Variants in BRMS1L observed in about 807,000 individuals in gnomAD.
BRMS1L encodes BRMS1 like transcriptional repressor.
In BRMS1L, 23 loss-of-function variants were observed where a neutral mutation model predicts 50.3. The observed-to-expected ratio is 0.46, with a 90% confidence interval of 0.33 to 0.65. BRMS1L has a LOEUF of 0.65. Ranked by LOEUF, BRMS1L falls within the 30% of genes least tolerant of loss-of-function variation. The probability of loss-of-function intolerance (pLI) is 0.02; values close to 1 mark genes in which losing one functional copy is unlikely to be tolerated. For synonymous variants in BRMS1L, 114 were observed against 126.9 expected (o/e 0.90, Z 0.69); for missense variants, 286 against 386.1 (o/e 0.74, Z 2.17).
chr14:35,864,009 G>T (rs1405073974), intron 6 of BRMS1L, 56 bp downstream of exon 6: 2 of 1,328,078 alleles, frequency 1.5e-6, no homozygotes, highest in African/African-American at 2.9e-5. Flanking sequence ...TTTCCATTGT[G>T]CATGCCTTTA....
At chr14:35,831,558 C>G (rs1403637399) in intron 2 of BRMS1L, 58 bp downstream of exon 2, 2 of 1,258,558 alleles carry the variant, frequency 1.6e-6, no homozygotes, top group Middle Eastern at 1.9e-4. Context: ...CACTTGTATA[C>G]TAGCACAAGA....
chr14:35,832,493 G>GA (rs2077934890), intron 2 of BRMS1L, among the ~76,000 whole-genome samples: 1 of 144,410 alleles, frequency 6.9e-6, no homozygotes, highest in Non-Finnish European at 1.5e-5. Context: ...GTGACGGAGC[G>GA]AGACTCCGTC....
At chr14:35,849,832 T>G (rs992831816) in intron 4 of BRMS1L, among the ~76,000 whole-genome samples, 6 of 152,104 alleles carry the variant, frequency 3.9e-5, no homozygotes, top group East Asian at 3.8e-4. Flanking sequence ...TCTTTTTTTT[T>G]TTGTTGACAC....
intron 9 of BRMS1L, among the ~76,000 whole-genome samples, chr14:35,869,543 A>C (rs918521913): frequency 4.6e-5 from 7 of 151,568 alleles, no homozygotes; most frequent in Non-Finnish European, 1.0e-4. Flanking sequence ...ATTCCTATTC[A>C]CTCTTTAAAA....
chr14:35,845,585 TTTAATTGTCAA>T (rs2078123081), intron 4 of BRMS1L, among the ~76,000 whole-genome samples: 1 of 152,250 alleles, frequency 6.6e-6, no homozygotes, highest in Non-Finnish European at 1.5e-5. Flanking sequence ...GCAAGTGAGA[TTTAATTGTCAA>T]TTCTCATACT....
At chr14:35,837,247 C>T (rs1343362380) in intron 4 of BRMS1L, among the ~76,000 whole-genome samples, 2 of 151,306 alleles carry the variant, frequency 1.3e-5, no homozygotes, top group Admixed American at 6.6e-5. Flanking sequence ...AAGAGCAAAA[C>T]TCCGGCTCAA....
At chr14:35,830,693 T>C (rs909630357) in intron 1 of BRMS1L, among the ~76,000 whole-genome samples, 2 of 152,128 alleles carry the variant, frequency 1.3e-5, no homozygotes, top group African/African-American at 2.4e-5. Context: ...AAATCAGCCA[T>C]GTGAGCAGTT....
rs185904168 is a variant in BRMS1L, at chr14:35,864,094, G to A, written c.622+141G>A. ...CAAAAGATGATTTATTTATAAAACC[G>A]ATTGAAGACAGAGGATATAGTGTAT... On this transcript the variant is annotated intron_variant, in intron 6 of 9. Coordinates refer to ENST00000216807, the MANE Select transcript of BRMS1L (RefSeq NM_032352.4). The A allele has an allele frequency of 1.2e-4, 81 of 704,304 alleles. No homozygotes were observed. The African/African-American group carries it at 1.3e-3, about 12-fold the overall frequency. 43.6% of individuals were successfully genotyped at this position (704,304 alleles called of 1,614,324 possible).
intron 1 of BRMS1L, 25 bp downstream of exon 1, chr14:35,826,683 T>TG: frequency 8.1e-6 from 13 of 1,605,506 alleles, no homozygotes; most frequent in Non-Finnish European, 1.1e-5. Flanking sequence ...GCTGGGACCC[T>TG]GAGTCCCCGC....
At chr14:35,860,690 A>G (rs188493247) in intron 4 of BRMS1L, among the ~76,000 whole-genome samples, 18 of 152,204 alleles carry the variant, frequency 1.2e-4, no homozygotes, top group African/African-American at 4.1e-4. Flanking sequence ...ATTGTGAGGT[A>G]TGTTAAGTCA....
At chr14:35,865,592 A>G (rs2078409547) in intron 7 of BRMS1L, 130 bp from the exon 8 acceptor site, 5 of 697,968 alleles carry the variant, frequency 7.2e-6, no homozygotes, top group Middle Eastern at 3.9e-4. Flanking sequence ...TAGAGCAGCT[A>G]ATGGTTATAC....
At chr14:35,834,330 A>G (rs1016761248) in intron 3 of BRMS1L, among the ~76,000 whole-genome samples, 6 of 152,130 alleles carry the variant, frequency 3.9e-5, no homozygotes, top group African/African-American at 1.4e-4. Context: ...AAGTCCTGTC[A>G]GGAGCACTCC....
intron 8 of BRMS1L, chr14:35,866,036 C>A: frequency 2.9e-6 from 1 of 345,604 alleles, no homozygotes. Context: ...TTTTTATGGG[C>A]TCTGTCATTC....
chr14:35,833,503 A>C (rs2077952664), intron 3 of BRMS1L, among the ~76,000 whole-genome samples: 1 of 152,140 alleles, frequency 6.6e-6, no homozygotes, highest in Non-Finnish European at 1.5e-5. Context: ...ATTTATAAAA[A>C]ATTTTAAAAA....
chr14:35,869,949 G>T (rs990267272), intron 9 of BRMS1L, among the ~76,000 whole-genome samples: 5 of 151,848 alleles, frequency 3.3e-5, no homozygotes, highest in African/African-American at 1.2e-4. Flanking sequence ...AAAAAAATTG[G>T]TATAAGTACC....
chr14:35,865,926 A>G lies in BRMS1L; in HGVS notation c.727+165A>G, dbSNP rs2078415601. On this transcript the variant is annotated intron_variant, in intron 8 of 9. Coordinates refer to ENST00000216807, the MANE Select transcript of BRMS1L (RefSeq NM_032352.4). ...TTCTGGAGTCATTGCTTCACGTAAA[A>G]GTTTCAAAATTTCTGAATGTGGTAT... 10 of 634,952 alleles carry G rather than the reference A, an allele frequency of 1.6e-5. No individual in the cohort carries two copies. In the Admixed American group the frequency reaches 2.8e-4, roughly 18 times the overall value. 39.3% of individuals were successfully genotyped at this position (634,952 alleles called of 1,614,324 possible). A position where few individuals can be genotyped will look rare whatever the true frequency, so the allele number is the denominator to read the frequency against.
intron 2 of BRMS1L, 23 bp from the exon 3 acceptor site, chr14:35,832,955 A>T (rs2077943330): frequency 6.4e-7 from 1 of 1,574,748 alleles, no homozygotes; most frequent in Non-Finnish European, 8.6e-7. Flanking sequence ...TTAAATTAAC[A>T]TATTAATTTT....
At chr14:35,841,613 T>G (rs982632968) in intron 4 of BRMS1L, among the ~76,000 whole-genome samples, 1 of 152,174 alleles carries the variant, frequency 6.6e-6, no homozygotes, top group African/African-American at 2.4e-5. Flanking sequence ...GTCAATTTTA[T>G]AATAAGTATG....
At chr14:35,846,691 A>G (rs1205532891) in intron 4 of BRMS1L, among the ~76,000 whole-genome samples, 2 of 152,164 alleles carry the variant, frequency 1.3e-5, no homozygotes, top group Non-Finnish European at 2.9e-5. Flanking sequence ...CAGTTTTGAT[A>G]TGTACTATTA....
Sources: allele counts gnomAD v4.1 joint callset (sites outside exome capture counted in the v4.1 genomes callset), GRCh38; gene constraint gnomAD v4.1.1; transcripts MANE v1.5; gene names NCBI Gene and HGNC (gene_info 2026-07-23, HGNC 2026-07-21).